Variants in ADGRG7 observed in about 807,000 individuals in gnomAD.
The protein encoded by ADGRG7 is adhesion G protein-coupled receptor G7.
A neutral mutation model predicts 88.6 loss-of-function variants in ADGRG7; 82 were observed. That is an observed-to-expected ratio of 0.93 (90% CI 0.77 to 1.11). The LOEUF is 1.11. Ranked by LOEUF, ADGRG7 falls within the 50% of genes most tolerant of loss-of-function variation. The pLI is 0.00. For missense variants in ADGRG7, 945 were observed against 953.4 expected, an observed-to-expected ratio of 0.99 and a Z score of 0.12; for synonymous variants, 381 against 345.2, an observed-to-expected ratio of 1.10 and a Z score of -1.15.
At chr3:100,676,795 T>G (rs1030543744) in intron 15 of ADGRG7, among the ~76,000 whole-genome samples, 71 of 152,066 alleles carry the variant, frequency 4.7e-4, no homozygotes, top group Non-Finnish European at 1.3e-4. Context: ...ATTGGGCATA[T>G]ATATATATTT....
At position 100,624,636 on chromosome 3, in the gene ADGRG7, C is replaced by T. The variant is rs973804039; in HGVS notation, c.116-4962C>T. On this transcript the variant is annotated intron_variant, in intron 1 of 15. Coordinates refer to ENST00000273352, the MANE Select transcript of ADGRG7 (RefSeq NM_032787.3). ...ATGCCTATGTCCTGAATGGTATTGC[C>T]TAGGTTTTCTTCTAGGGTTTTTATG... 1.3e-5 allele frequency among the ~76,000 whole-genome samples: 2 copies of T among 152,100 alleles called. 1 individual carries two copies. Among genetic ancestry groups the T allele is most frequent in the South Asian group, 4.1e-4 (2 of 4,822 alleles).
At chr3:100,677,581 C>A (rs1213703952) in intron 15 of ADGRG7, among the ~76,000 whole-genome samples, 1 of 152,022 alleles carries the variant, frequency 6.6e-6, no homozygotes, top group Non-Finnish European at 1.5e-5. Context: ...TCGAAGAACT[C>A]CTTTTAGCAT....
At chr3:100,659,203 T>A (rs559049707) in intron 13 of ADGRG7, among the ~76,000 whole-genome samples, 1 of 151,408 alleles carries the variant, frequency 6.6e-6, no homozygotes, top group South Asian at 2.1e-4. Flanking sequence ...GAGGCCGAGG[T>A]GGGTGGATCA....
intron 15 of ADGRG7, among the ~76,000 whole-genome samples, chr3:100,673,851 G>A (rs370913385): frequency 5.9e-5 from 9 of 152,156 alleles, no homozygotes; most frequent in South Asian, 4.2e-4. Context: ...AGGGTTTTTC[G>A]TGTCTCTATC....
rs568017142 is a variant in ADGRG7, at chr3:100,611,449, G to A, written c.115+1478G>A. The stretch of plus-strand genomic sequence containing the variant: ...AAAACCATTAAAAACAAGGACCAAA[G>A]TACAAAAACAACATGAGAAAGAGTG... On this transcript the variant is annotated intron_variant, in intron 1 of 15. Transcript: ENST00000273352. Among the ~76,000 whole-genome samples the A allele has an allele frequency of 1.2e-4, 18 of 152,062 alleles. No individual in the cohort carries two copies. In the South Asian group the frequency reaches 1.9e-3, roughly 16 times the overall value.
intron 15 of ADGRG7, among the ~76,000 whole-genome samples, chr3:100,684,759 T>G (rs1190486981): frequency 6.6e-6 from 1 of 152,062 alleles, no homozygotes. Context: ...TGGAATATTT[T>G]CATTCTATTT....
intron 14 of ADGRG7, among the ~76,000 whole-genome samples, chr3:100,667,162 A>G (rs895189682): frequency 2.6e-5 from 4 of 152,004 alleles, no homozygotes; most frequent in African/African-American, 9.7e-5. Context: ...ACAGGCGTCC[A>G]CCACCACACC....
intron 15 of ADGRG7, among the ~76,000 whole-genome samples, chr3:100,682,042 T>C (rs568881605): frequency 6.6e-6 from 1 of 152,190 alleles, no homozygotes; most frequent in Non-Finnish European, 1.5e-5. Flanking sequence ...CGGCAGCCCA[T>C]CTGAAGTGGC....
intron 1 of ADGRG7, among the ~76,000 whole-genome samples, chr3:100,610,599 C>G (rs1350675315): frequency 6.6e-6 from 1 of 152,024 alleles, no homozygotes; most frequent in African/African-American, 2.4e-5. Flanking sequence ...AAAAGGAGGA[C>G]GTGGGAGGGG....
chr3:100,667,517 T>C (rs2094953435), intron 14 of ADGRG7, among the ~76,000 whole-genome samples: 1 of 152,266 alleles, frequency 6.6e-6, no homozygotes, highest in Non-Finnish European at 1.5e-5. Flanking sequence ...TATCCTTTTT[T>C]ATGGCTGCAT....
rs147152886 is a variant in ADGRG7 at position 100,631,844 on chromosome 3, C to T, written c.334+1035C>T. On this transcript the variant is annotated intron_variant, in intron 3 of 15. Transcript: ENST00000273352. ...TTGTGGAATTCAAATTGCTTCCACC[C>T]ATATATATCATTGTGTTAGTCCATT... Among the ~76,000 whole-genome samples the T allele has an allele frequency of 4.7e-3, 710 of 152,098 alleles. 7 individuals are homozygous for T. The highest frequency in any genetic ancestry group is 0.02 in the Middle Eastern group (6 of 294).
At chr3:100,635,884 G>T in intron 5 of ADGRG7, 58 bp downstream of exon 5, 1 of 1,276,292 alleles carries the variant, frequency 7.8e-7, no homozygotes, top group South Asian at 1.4e-5. Flanking sequence ...GGGGTGTTGG[G>T]AAAGAAAGAG....
chr3:100,631,216 G>C (rs1157932331), intron 3 of ADGRG7, among the ~76,000 whole-genome samples: 1 of 152,028 alleles, frequency 6.6e-6, no homozygotes, highest in Non-Finnish European at 1.5e-5. Context: ...GGTTAAGTCT[G>C]TTCATAGTTG....
At chr3:100,656,527 C>T (rs1305148054) in intron 13 of ADGRG7, among the ~76,000 whole-genome samples, 2 of 152,168 alleles carry the variant, frequency 1.3e-5, no homozygotes, top group East Asian at 3.9e-4. Flanking sequence ...GAATAATTAA[C>T]TGTTGTAACA....
At chr3:100,689,376 C>T (rs1214415332) in intron 15 of ADGRG7, among the ~76,000 whole-genome samples, 1 of 152,194 alleles carries the variant, frequency 6.6e-6, no homozygotes, top group Admixed American at 6.5e-5. Context: ...AGCCCATTTA[C>T]ATTTAAGGTT....
At chr3:100,666,278 G>A (rs1242733338) in intron 14 of ADGRG7, among the ~76,000 whole-genome samples, 3 of 152,108 alleles carry the variant, frequency 2.0e-5, no homozygotes, top group African/African-American at 7.2e-5. Context: ...TCAGCATATG[G>A]AGGATCCCGC....
At chr3:100,652,151 A>C (rs994953978) in intron 11 of ADGRG7, among the ~76,000 whole-genome samples, 2 of 152,130 alleles carry the variant, frequency 1.3e-5, no homozygotes, top group Non-Finnish European at 2.9e-5. Flanking sequence ...GATTCTTCTG[A>C]GTACTTTTTG....
chr3:100,673,011 A>C (rs1180525902), intron 15 of ADGRG7, among the ~76,000 whole-genome samples: 2 of 152,056 alleles, frequency 1.3e-5, no homozygotes, highest in Non-Finnish European at 2.9e-5. Context: ...TACTGGCCTG[A>C]AATTTTTTTT....
chr3:100,614,894 G>A (rs973760587), intron 1 of ADGRG7, among the ~76,000 whole-genome samples: 2 of 152,094 alleles, frequency 1.3e-5, no homozygotes, highest in Admixed American at 1.3e-4. Flanking sequence ...TTGAAAATGT[G>A]TAGTAAAAAC....
Sources: gnomAD v4.1 joint callset for allele counts (sites outside exome capture counted in the v4.1 genomes callset) on GRCh38, gnomAD v4.1.1 for gene constraint, MANE v1.5 for transcripts, NCBI Gene and HGNC (gene_info 2026-07-23, HGNC 2026-07-21) for gene names.